PCDHGA2: variants seen among roughly 807,000 people sequenced by gnomAD.
PCDHGA2 encodes the protein protocadherin gamma-A2.
PCDHGA2 carries 40 observed loss-of-function variants against 59.2 expected under a neutral mutation model. The observed-to-expected ratio is 0.68, with a 90% confidence interval of 0.52 to 0.88. The LOEUF (loss-of-function observed/expected upper bound fraction) is 0.88, where lower values mean the gene tolerates loss of function less well. Ranked by LOEUF, PCDHGA2 falls within the 40% of genes least tolerant of loss-of-function variation. The pLI is 0.00. For synonymous variants in PCDHGA2, 560 were observed against 526.0 expected, an observed-to-expected ratio of 1.06 and a Z score of -0.89; for missense variants, 1,226 against 1,204.0, an observed-to-expected ratio of 1.02 and a Z score of -0.27.
At position 141,489,783 on chromosome 5, in the gene PCDHGA2, T is replaced by C; in HGVS notation, c.2425-5024T>C. The C allele has an allele frequency of 6.2e-7, 1 of 1,614,164 alleles. No individual in the cohort carries two copies. On this transcript the variant is annotated intron_variant, in intron 1 of 3. Transcript: ENST00000394576. The surrounding 1 kb of genome is among the most constrained non-coding windows in gnomAD (Gnocchi z 4.5). ...GCCCCAACAGCCACTTCTCTCTGAA[T>C]GTGAAGACCCTAAAAGATGGGAAGC... is the stretch of plus-strand genomic sequence containing the variant.
At chr5:141,503,598 C>CTAA (rs2099824827) in intron 2 of PCDHGA2, among the ~76,000 whole-genome samples, 2 of 65,752 alleles carry the variant, frequency 3.0e-5, no homozygotes, top group African/African-American at 9.3e-5. Flanking sequence ...GACTCCAGCT[C>CTAA]AAAAAAAAAA....
chr5:141,345,749 CACT>C, intron 1 of PCDHGA2: 1 of 1,614,232 alleles, frequency 6.2e-7, no homozygotes, highest in South Asian at 1.1e-5. Flanking sequence ...CAGACGGTTC[CACT>C]GGCGTGGAGC....
At chr5:141,352,287 A>G (rs758145608) in intron 1 of PCDHGA2, 14 of 1,613,930 alleles carry the variant, frequency 8.7e-6, no homozygotes, top group Non-Finnish European at 8.5e-7. Flanking sequence ...GACCGCCCTG[A>G]GCCCTCTGAC....
intron 1 of PCDHGA2, chr5:141,417,966 C>T: frequency 6.2e-7 from 1 of 1,613,776 alleles, no homozygotes; most frequent in Non-Finnish European, 8.5e-7. Flanking sequence ...ATCCGCTACT[C>T]GATTCCGGAG....
rs755626661 is a variant in PCDHGA2 at position 141,340,380 on chromosome 5, C to T, written c.1409C>T (p.Ser470Phe). Reference protein sequence around the residue: ...YIPENNPRGASVFSVTAHDPD... With the variant: ...YIPENNPRGAFVFSVTAHDPD... The stretch of plus-strand genomic sequence containing the variant: ...CCCGAAAACAACCCCAGAGGAGCCT[C>T]TGTCTTCTCAGTGACGGCCCATGAC... Residue 470 changes from serine (S) to phenylalanine (F), a missense_variant, in exon 1 of 4, where the codon TCT (serine) becomes TTT (phenylalanine). Coordinates refer to ENST00000394576, the MANE Select transcript of PCDHGA2 (RefSeq NM_018915.4). 4.0e-5 allele frequency: 64 copies of T among 1,614,078 alleles called. 1 individual carries two copies. Among genetic ancestry groups the T allele is most frequent in the South Asian group, 1.1e-5 (1 of 91,086 alleles).
chr5:141,477,765 A>C lies in PCDHGA2; in HGVS notation c.2425-17042A>C, dbSNP rs752391870. The C allele has an allele frequency of 6.2e-7, 1 of 1,614,026 alleles. No individual in the cohort carries two copies. Among genetic ancestry groups the C allele is most frequent in the Non-Finnish European group, 8.5e-7 (1 of 1,180,036 alleles). Reference sequence around the variant, plus strand: ...GGGGGCACCCCGGTCCTAGCCACCAACATCAGCGTGAACATATTTGTCACT... The same window carrying C: ...GGGGGCACCCCGGTCCTAGCCACCACCATCAGCGTGAACATATTTGTCACT... On this transcript the variant is annotated intron_variant, in intron 1 of 3. Coordinates refer to ENST00000394576, the MANE Select transcript of PCDHGA2 (RefSeq NM_018915.4). The surrounding 1 kb of genome is among the most constrained non-coding windows in gnomAD (Gnocchi z 4.9).
intron 1 of PCDHGA2, 96 bp from the exon 2 acceptor site, chr5:141,494,711 A>T (rs757105958): frequency 6.3e-7 from 1 of 1,599,616 alleles, no homozygotes; most frequent in Non-Finnish European, 8.5e-7. Context: ...CTCTGTGCCC[A>T]CTCCCCTCCT....
chr5:141,441,665 A>C (rs994092543), intron 1 of PCDHGA2: 10 of 265,838 alleles, frequency 3.8e-5, no homozygotes, highest in African/African-American at 2.1e-4. Context: ...CCTTGAGCGC[A>C]CAGTGCGCCT....
rs1759709417 is a variant in PCDHGA2, at chr5:141,355,082, G to T, written c.2424+13687G>T. The T allele has an allele frequency of 4.9e-6, 7 of 1,429,210 alleles. No homozygotes were observed. In the East Asian group the frequency reaches 1.4e-4, roughly 29 times the overall value. The allele number at this position is 1,429,210 out of a possible 1,614,324, so 88.5% of individuals were successfully genotyped here. On this transcript the variant is annotated intron_variant, in intron 1 of 3. Coordinates refer to ENST00000394576, the MANE Select transcript of PCDHGA2 (RefSeq NM_018915.4). Reference sequence around the variant, plus strand: ...CTGGAGCTTTATGAAAGCTTCAAGCGGAAGCCCTGAGAGCTCTGGCTGTGA... The same window carrying T: ...CTGGAGCTTTATGAAAGCTTCAAGCTGAAGCCCTGAGAGCTCTGGCTGTGA...
rs749838422 is a variant in PCDHGA2 at position 141,341,260 on chromosome 5, G to A, written c.2289G>A (p.Ser763=). The A allele has an allele frequency of 4.3e-6, 7 of 1,614,206 alleles. No individual in the cohort carries two copies. In the South Asian group the frequency reaches 7.7e-5, roughly 18 times the overall value. ...ACGAGGTCTCCCTCACTGCGGACTCGCGGAAGAGCCACCTGATTTTCCCCC... is the reference window on the plus strand; with the variant it reads ...ACGAGGTCTCCCTCACTGCGGACTCACGGAAGAGCCACCTGATTTTCCCCC... ...YSHEVSLTAD[S]RKSHLIFPQP... Residue 763 remains serine (S), a synonymous_variant, in exon 1 of 4, where the codon TCG becomes TCA. Transcript: ENST00000394576.
Position 141,494,869 on chromosome 5 carries a change from G to A in PCDHGA2, c.2483+4G>A. 6.2e-7 allele frequency: 1 copy of A among 1,614,144 alleles called. No individual in the cohort carries two copies. Among genetic ancestry groups the A allele is most frequent in the Non-Finnish European group, 8.5e-7 (1 of 1,180,010 alleles). On this transcript the variant is annotated splice_donor_region_variant and intron_variant, in intron 2 of 3. Coordinates refer to ENST00000394576, the MANE Select transcript of PCDHGA2 (RefSeq NM_018915.4). The stretch of plus-strand genomic sequence containing the variant: ...CCCAGAGACCCGGCACCAGCGGGTA[G>A]GTGACTGATTCTCCAGCCCACCCTC...
chr5:141,410,415 T>C (rs1589759810), intron 1 of PCDHGA2: 1 of 1,614,066 alleles, frequency 6.2e-7, no homozygotes. Flanking sequence ...TCTGGACCTG[T>C]AGTTCCCCCC....
chr5:141,446,558 T>G (rs1413501675), intron 1 of PCDHGA2, among the ~76,000 whole-genome samples: 3 of 151,788 alleles, frequency 2.0e-5, no homozygotes, highest in Non-Finnish European at 1.5e-5. Flanking sequence ...CTCACTGCAA[T>G]CTCTGCCTCC....
At chr5:141,446,922 T>G (rs939249512) in intron 1 of PCDHGA2, among the ~76,000 whole-genome samples, 1 of 152,220 alleles carries the variant, frequency 6.6e-6, no homozygotes, top group Non-Finnish European at 1.5e-5. Context: ...TTTATCTTCC[T>G]GATCTCTTTT....
At chr5:141,372,708 G>T in intron 1 of PCDHGA2, 1 of 1,613,898 alleles carries the variant, frequency 6.2e-7, no homozygotes, top group Non-Finnish European at 8.5e-7. Context: ...CAATATAAAG[G>T]CTGAAAATGC....
intron 1 of PCDHGA2, chr5:141,360,531 A>G (rs766268377): frequency 5.0e-6 from 8 of 1,613,872 alleles, no homozygotes; most frequent in South Asian, 1.1e-5. Flanking sequence ...ATACCCCGCT[A>G]TTCAAACAGA....
Position 141,486,885 on chromosome 5 carries a change from G to A in PCDHGA2, c.2425-7922G>A, listed in dbSNP as rs139638334. On this transcript the variant is annotated intron_variant, in intron 1 of 3. Transcript: ENST00000394576. The surrounding 1 kb of genome is among the most constrained non-coding windows in gnomAD (Gnocchi z 5.0). ...CCAGCTGTGCTCCGTCCTCGGGCCC[G>A]GCCTGGTTCCTTATGTCCCCAAGCA... is the stretch of plus-strand genomic sequence containing the variant. 16 of 1,614,076 alleles carry A rather than the reference G, an allele frequency of 9.9e-6. No individual in the cohort carries two copies. The highest frequency in any genetic ancestry group is 1.6e-4 in the Middle Eastern group (1 of 6,084).
chr5:141,397,841 C>A (rs996938995), intron 1 of PCDHGA2: 31 of 520,424 alleles, frequency 6.0e-5, no homozygotes, highest in Middle Eastern at 4.9e-4. Context: ...AACTTGAAGC[C>A]GCAGAGGCTG....
At chr5:141,433,084 T>G in intron 1 of PCDHGA2, 1 of 1,614,184 alleles carries the variant, frequency 6.2e-7, no homozygotes, top group Non-Finnish European at 8.5e-7. Flanking sequence ...AGCCCAACTA[T>G]GCAGACATGC....
Sources: gnomAD v4.1 joint callset for allele counts (sites outside exome capture counted in the v4.1 genomes callset) on GRCh38, gnomAD v4.1.1 for gene constraint, Gnocchi (gnomAD v3.1) non-coding constraint, MANE v1.5 for transcripts, NCBI Gene and HGNC (gene_info 2026-07-23, HGNC 2026-07-21) for gene names.